Variants in LHFPL6 observed in about 807,000 individuals in gnomAD.
LHFPL6 encodes LHFPL tetraspan subfamily member 6, also known as LHFPL tetraspan subfamily member 6 protein.
LHFPL6 carries 9 observed loss-of-function variants against 20.6 expected under a neutral mutation model. That is an observed-to-expected ratio of 0.44 (90% CI 0.26 to 0.76). LHFPL6 has a LOEUF of 0.76. Ranked by LOEUF, LHFPL6 falls within the 30% of genes least tolerant of loss-of-function variation. LHFPL6 has a pLI of 0.20. For missense variants in LHFPL6, 218 were observed against 253.5 expected (o/e 0.86, Z 0.95); for synonymous variants, 105 against 98.7 (o/e 1.06, Z -0.38).
intron 2 of LHFPL6, among the ~76,000 whole-genome samples, chr13:39,508,056 T>C (rs1869552179): frequency 6.6e-6 from 1 of 151,856 alleles, no homozygotes; most frequent in East Asian, 1.9e-4. Flanking sequence ...AGTCACGCTC[T>C]GTTGCCCAGG....
At chr13:39,424,493 GA>G (rs1871588237) in intron 2 of LHFPL6, among the ~76,000 whole-genome samples, 1 of 152,184 alleles carries the variant, frequency 6.6e-6, no homozygotes, top group African/African-American at 2.4e-5. Flanking sequence ...GGCTATGAAG[GA>G]AACATCCCTA....
rs1478031943 is a variant in LHFPL6 at position 39,342,923 on chromosome 13, A to G, written c.*1013T>C. 1 of 180,410 alleles carries G rather than the reference A, an allele frequency of 5.5e-6. No homozygotes were observed. The highest frequency in any genetic ancestry group is 9.2e-5 in the East Asian group (1 of 10,928). The allele number at this position is 180,410 out of a possible 1,614,324, so 11.2% of individuals were successfully genotyped here. A position where few individuals can be genotyped will look rare whatever the true frequency, so the allele number is the denominator to read the frequency against. ...TCAAAGAGAGAATTTATTCACAGAG[A>G]TTTTCAAATACAAACAAAATAGCAC... is the stretch of plus-strand genomic sequence containing the variant. On this transcript the variant is annotated 3_prime_UTR_variant, in exon 4 of 4. Transcript: ENST00000379589.
At chr13:39,362,440 C>T (rs988337762) in intron 3 of LHFPL6, among the ~76,000 whole-genome samples, 5 of 152,200 alleles carry the variant, frequency 3.3e-5, no homozygotes, top group African/African-American at 1.2e-4. Flanking sequence ...ATTACCCAGT[C>T]TCAGGTAGTT....
intron 2 of LHFPL6, among the ~76,000 whole-genome samples, chr13:39,459,908 A>G (rs577364911): frequency 6.6e-6 from 1 of 152,322 alleles, no homozygotes; most frequent in African/African-American, 2.4e-5. Context: ...GTTTGAAAAT[A>G]TCCTAACTGG....
At chr13:39,569,309 G>A (rs1478657180) in intron 2 of LHFPL6, among the ~76,000 whole-genome samples, 2 of 152,122 alleles carry the variant, frequency 1.3e-5, no homozygotes, top group Admixed American at 1.3e-4. Flanking sequence ...AGTGGTTCTG[G>A]AGTTCATAAA....
At chr13:39,586,640 C>T (rs1872456833) in intron 2 of LHFPL6, among the ~76,000 whole-genome samples, 1 of 152,178 alleles carries the variant, frequency 6.6e-6, no homozygotes, top group Non-Finnish European at 1.5e-5. Flanking sequence ...GACAGCAGGT[C>T]TTGACTCTAC....
intron 2 of LHFPL6, among the ~76,000 whole-genome samples, chr13:39,483,110 A>C (rs1294572331): frequency 1.3e-5 from 2 of 152,362 alleles, no homozygotes; most frequent in African/African-American, 2.4e-5. Flanking sequence ...TATTATAATC[A>C]TAATTTTAAA....
chr13:39,388,842 A>G (rs1870633050), intron 2 of LHFPL6, among the ~76,000 whole-genome samples: 1 of 152,194 alleles, frequency 6.6e-6, no homozygotes, highest in Non-Finnish European at 1.5e-5. Flanking sequence ...TTCCCCTGAC[A>G]TCTGTACAGA....
rs566378452 is a variant in LHFPL6 at position 39,378,317 on chromosome 13, G to A, written c.484+111C>T. On this transcript the variant is annotated intron_variant, in intron 3 of 3. Transcript: ENST00000379589. ...ATATTGTTACACGTGACTACTGGCTGTAATACCCAGGGAGGTTTTTCTTAT... is the reference window on the plus strand; with the variant it reads ...ATATTGTTACACGTGACTACTGGCTATAATACCCAGGGAGGTTTTTCTTAT... The A allele has an allele frequency of 1.6e-4, 116 of 738,218 alleles. 1 individual carries two copies. The South Asian group carries it at 1.8e-3, about 11-fold the overall frequency. 45.7% of individuals were successfully genotyped at this position (738,218 alleles called of 1,614,324 possible).
intron 2 of LHFPL6, among the ~76,000 whole-genome samples, chr13:39,515,201 T>C (rs1869866340): frequency 6.6e-6 from 1 of 152,210 alleles, no homozygotes; most frequent in African/African-American, 2.4e-5. Context: ...TGCCTGTTAG[T>C]TCCACTCACA....
Position 39,502,856 on chromosome 13 carries a change from C to T in LHFPL6, c.385+97976G>A, listed in dbSNP as rs924390587. On this transcript the variant is annotated intron_variant, in intron 2 of 3. Coordinates refer to ENST00000379589, the MANE Select transcript of LHFPL6 (RefSeq NM_005780.3). ...CTAGTCTTTTCCAGAGTAATAAATACATTTTCTTTTTTAAATTTGTATTTA... is the reference window on the plus strand; with the variant it reads ...CTAGTCTTTTCCAGAGTAATAAATATATTTTCTTTTTTAAATTTGTATTTA... 5.3e-5 allele frequency among the ~76,000 whole-genome samples: 8 copies of T among 152,178 alleles called. No individual in the cohort carries two copies. The South Asian group carries it at 1.5e-3, about 28-fold the overall frequency.
Position 39,600,963 on chromosome 13 carries a change from C to T in LHFPL6, c.254G>A (p.Cys85Tyr). The T allele has an allele frequency of 6.2e-7, 1 of 1,612,702 alleles. No homozygotes were observed. Among genetic ancestry groups the T allele is most frequent in the African/African-American group, 1.3e-5 (1 of 75,020 alleles). The change falls in exon 2 of 4, where the codon TGC (cysteine) becomes TAC (tyrosine). Residue 85 changes from cysteine (C) to tyrosine (Y), a missense_variant. Coordinates refer to ENST00000379589, the MANE Select transcript of LHFPL6 (RefSeq NM_005780.3). ...ACAACCCAGGCCGGTCACTATGGTG[C>T]AGATCCTCCATTCTGCGCTGGGGAT... ...QGIPSAEWRI[C>Y]TIVTGLGCGL...
intron 2 of LHFPL6, among the ~76,000 whole-genome samples, chr13:39,453,827 G>A (rs2138423124): frequency 6.6e-6 from 1 of 152,296 alleles, no homozygotes. Context: ...AATTCAACAA[G>A]CAAGTCGTGT....
At chr13:39,376,013 C>T (rs1870286472) in intron 3 of LHFPL6, among the ~76,000 whole-genome samples, 1 of 152,024 alleles carries the variant, frequency 6.6e-6, no homozygotes, top group African/African-American at 2.4e-5. Flanking sequence ...AAACAATTAC[C>T]ACTAGTAAAG....
At chr13:39,599,816 A>C (rs944372957) in intron 2 of LHFPL6, among the ~76,000 whole-genome samples, 15 of 152,140 alleles carry the variant, frequency 9.9e-5, no homozygotes, top group Admixed American at 2.0e-4. Flanking sequence ...TTTTTAATTC[A>C]TTTTTCTTCT....
intron 2 of LHFPL6, among the ~76,000 whole-genome samples, chr13:39,444,072 C>T (rs535015406): frequency 3.9e-5 from 6 of 152,248 alleles, no homozygotes; most frequent in African/African-American, 2.4e-5. Context: ...ATCCTTTATC[C>T]TAGTTATACA....
intron 2 of LHFPL6, among the ~76,000 whole-genome samples, chr13:39,449,252 T>A (rs1872376888): frequency 1.3e-5 from 2 of 152,234 alleles, no homozygotes; most frequent in Admixed American, 1.3e-4. Flanking sequence ...TAAACACATA[T>A]GTGTAAAATG....
At chr13:39,415,140 T>C (rs60948790) in intron 2 of LHFPL6, among the ~76,000 whole-genome samples, 2,358 of 152,280 alleles carry the variant, frequency 0.015, 54 homozygotes, top group African/African-American at 0.054. Flanking sequence ...CTGTGCTTTT[T>C]TGTAATAGCA....
intron 2 of LHFPL6, among the ~76,000 whole-genome samples, chr13:39,404,481 A>ACGT (rs1566103831): frequency 6.6e-6 from 1 of 152,178 alleles, no homozygotes; most frequent in African/African-American, 2.4e-5. Flanking sequence ...AATCACCCAG[A>ACGT]CAGCTTTCAA....
Sources: allele counts gnomAD v4.1 joint callset (sites outside exome capture counted in the v4.1 genomes callset), GRCh38; gene constraint gnomAD v4.1.1; transcripts MANE v1.5; gene names NCBI Gene and HGNC (gene_info 2026-07-23, HGNC 2026-07-21).